TAOK3: variants seen among roughly 807,000 people sequenced by gnomAD.
TAOK3 encodes the protein TAO kinase 3, also known as serine/threonine-protein kinase TAO3.
In TAOK3, 40 loss-of-function variants were observed where a neutral mutation model predicts 120.4. The ratio of observed to expected loss-of-function variants is 0.33; its 90% CI spans 0.26 to 0.43. The LOEUF is 0.43. TAOK3 is among the 20% of genes least tolerant of loss of function. TAOK3 has a pLI of 1.00. For missense variants in TAOK3, 821 were observed against 1,112.1 expected, an observed-to-expected ratio of 0.74 and a Z score of 3.72; for synonymous variants, 355 against 387.5, an observed-to-expected ratio of 0.92 and a Z score of 0.99.
At chr12:118,238,297 A>G in intron 6 of TAOK3, 128 bp from the exon 7 acceptor site, 1 of 522,414 alleles carries the variant, frequency 1.9e-6, no homozygotes, top group East Asian at 2.9e-5. Flanking sequence ...ATTCACCTAG[A>G]TCTTCTATAG....
At chr12:118,186,964 A>G (rs2037114570) in intron 14 of TAOK3, among the ~76,000 whole-genome samples, 1 of 152,186 alleles carries the variant, frequency 6.6e-6, no homozygotes, top group South Asian at 2.1e-4. Flanking sequence ...CAAAAGCACA[A>G]TGTTGAAAGT....
intron 1 of TAOK3, among the ~76,000 whole-genome samples, chr12:118,342,797 G>A (rs1349659202): frequency 6.6e-6 from 1 of 151,982 alleles, no homozygotes; most frequent in African/African-American, 2.4e-5. Flanking sequence ...AGCCAGGCAA[G>A]GTAGCAGGTG....
At chr12:118,206,915 C>A (rs908655710) in intron 11 of TAOK3, among the ~76,000 whole-genome samples, 1 of 152,072 alleles carries the variant, frequency 6.6e-6, no homozygotes, top group African/African-American at 2.4e-5. Flanking sequence ...TTTTAAAAGC[C>A]CACTGTTCTC....
chr12:118,189,726 G>A, intron 14 of TAOK3, 81 bp downstream of exon 14: 1 of 1,535,468 alleles, frequency 6.5e-7, no homozygotes, highest in Non-Finnish European at 9.0e-7. Context: ...ATGAAGCCGA[G>A]ACAGGCTCAG....
intron 1 of TAOK3, among the ~76,000 whole-genome samples, chr12:118,359,353 AT>A (rs2045516533): frequency 6.6e-6 from 1 of 152,242 alleles, no homozygotes; most frequent in African/African-American, 2.4e-5. Flanking sequence ...CCGTTATGGT[AT>A]CAAGTAGATA....
chr12:118,176,773 T>G (rs574741085), intron 16 of TAOK3, among the ~76,000 whole-genome samples: 94 of 152,042 alleles, frequency 6.2e-4, no homozygotes, highest in Non-Finnish European at 1.0e-3. Flanking sequence ...TTAGGTAATT[T>G]TTTTTTTTTT....
intron 5 of TAOK3, among the ~76,000 whole-genome samples, chr12:118,242,797 T>C (rs1226910935): frequency 6.6e-6 from 1 of 151,756 alleles, no homozygotes; most frequent in Non-Finnish European, 1.5e-5. Context: ...GAGGCAGAGG[T>C]TGTAGTCAGC....
At chr12:118,164,896 T>C (rs2035483097) in intron 17 of TAOK3, among the ~76,000 whole-genome samples, 1 of 152,192 alleles carries the variant, frequency 6.6e-6, no homozygotes, top group African/African-American at 2.4e-5. Context: ...ATCCTTTTAA[T>C]AGCACAGCAT....
At position 118,192,131 on chromosome 12, in the gene TAOK3, C is replaced by T. The variant is rs142202249; in HGVS notation, c.1195-2190G>A. Among the ~76,000 whole-genome samples, 66 of 152,290 alleles carry T rather than the reference C, an allele frequency of 4.3e-4. No individual in the cohort carries two copies. The East Asian group carries it at 6.9e-3, about 16-fold the overall frequency. ...CTGTTTTATCTCTGATAAAAATTAA[C>T]TCCTTAGAAACACGGTTTAGGGCTC... On this transcript the variant is annotated intron_variant, in intron 13 of 20. Transcript: ENST00000392533.
chr12:118,259,048 T>C (rs1244075448), intron 2 of TAOK3, among the ~76,000 whole-genome samples: 1 of 152,086 alleles, frequency 6.6e-6, no homozygotes, highest in Non-Finnish European at 1.5e-5. Context: ...AATGAGACCA[T>C]AAAAACTTCT....
At chr12:118,244,697 T>C (rs2040412178) in intron 4 of TAOK3, among the ~76,000 whole-genome samples, 197 bp downstream of exon 4, 1 of 151,570 alleles carries the variant, frequency 6.6e-6, no homozygotes, top group Non-Finnish European at 1.5e-5. Context: ...CCCGGCTAAT[T>C]TTTTGTATTT....
intron 1 of TAOK3, among the ~76,000 whole-genome samples, chr12:118,297,900 A>G (rs2042741927): frequency 6.6e-6 from 1 of 152,120 alleles, no homozygotes; most frequent in Non-Finnish European, 1.5e-5. Flanking sequence ...GGGGAAAAAT[A>G]GTAACAATAA....
chr12:118,191,017 G>T (rs1262762927), intron 13 of TAOK3, among the ~76,000 whole-genome samples: 2 of 152,146 alleles, frequency 1.3e-5, no homozygotes, highest in East Asian at 1.9e-4. Flanking sequence ...TTTCCCTAGG[G>T]TTTTAGGAAA....
At chr12:118,323,391 T>G (rs1257863367) in intron 1 of TAOK3, among the ~76,000 whole-genome samples, 2 of 152,068 alleles carry the variant, frequency 1.3e-5, no homozygotes, top group Non-Finnish European at 2.9e-5. Context: ...AGTAAAAAAA[T>G]GTACACTCAT....
At chr12:118,314,964 C>T (rs1293543322) in intron 1 of TAOK3, among the ~76,000 whole-genome samples, 1 of 151,670 alleles carries the variant, frequency 6.6e-6, no homozygotes, top group Non-Finnish European at 1.5e-5. Context: ...ACTCTATGGC[C>T]CCGGCTGGAG....
chr12:118,294,172 C>G (rs1014560540), intron 1 of TAOK3, among the ~76,000 whole-genome samples: 1 of 151,882 alleles, frequency 6.6e-6, no homozygotes, highest in East Asian at 1.9e-4. Flanking sequence ...AAACTATATC[C>G]ATATAAAATG....
intron 17 of TAOK3, among the ~76,000 whole-genome samples, chr12:118,171,074 A>G (rs925466063): frequency 5.3e-5 from 8 of 152,206 alleles, no homozygotes; most frequent in African/African-American, 1.9e-4. Context: ...TGTTGAACAC[A>G]GTATTCTGTA....
At chr12:118,248,731 TA>T (rs2040623755) in intron 3 of TAOK3, among the ~76,000 whole-genome samples, 1 of 152,144 alleles carries the variant, frequency 6.6e-6, no homozygotes, top group African/African-American at 2.4e-5. Context: ...TATTTGGACC[TA>T]AAAACATGAA....
At chr12:118,249,094 A>C (rs1438555189) in intron 3 of TAOK3, among the ~76,000 whole-genome samples, 1 of 152,208 alleles carries the variant, frequency 6.6e-6, no homozygotes, top group Non-Finnish European at 1.5e-5. Flanking sequence ...TTTATTCTTG[A>C]AACTTACATT....
Sources: gnomAD v4.1 joint callset for allele counts (sites outside exome capture counted in the v4.1 genomes callset) on GRCh38, gnomAD v4.1.1 for gene constraint, MANE v1.5 for transcripts, NCBI Gene and HGNC (gene_info 2026-07-23, HGNC 2026-07-21) for gene names.